The following TNFRSF8 variants were observed in gnomAD, a reference collection of about 807,000 sequenced individuals.
TNFRSF8 encodes the protein TNF receptor superfamily member 8, also known as tumor necrosis factor receptor superfamily member 8.
In TNFRSF8, 26 loss-of-function variants were observed where a neutral mutation model predicts 70.8. The observed-to-expected ratio is 0.37, with a 90% CI of 0.27 to 0.51. The LOEUF (loss-of-function observed/expected upper bound fraction) is 0.51, where lower values mean the gene tolerates loss of function less well. Ranked by LOEUF, TNFRSF8 falls within the 20% of genes least tolerant of loss-of-function variation. The probability of loss-of-function intolerance (pLI) is 0.94; values close to 1 mark genes in which losing one functional copy is unlikely to be tolerated. For missense variants in TNFRSF8, 720 were observed against 807.9 expected (o/e 0.89, Z 1.32); for synonymous variants, 356 against 339.2 (o/e 1.05, Z -0.54).
chr1:12,121,570 G>T (rs1174022549), intron 8 of TNFRSF8, among the ~76,000 whole-genome samples: 1 of 152,176 alleles, frequency 6.6e-6, no homozygotes, highest in African/African-American at 2.4e-5. Context: ...AGTGCTCTGG[G>T]CTGGAACTCG....
chr1:12,129,774 G>A (rs1254851631), intron 12 of TNFRSF8, among the ~76,000 whole-genome samples: 3 of 152,158 alleles, frequency 2.0e-5, no homozygotes, highest in Admixed American at 6.5e-5. Flanking sequence ...AGCGCTCGAC[G>A]GAGGTGATGT....
At chr1:12,134,731 C>T (rs150736028) in intron 12 of TNFRSF8, among the ~76,000 whole-genome samples, 350 of 152,330 alleles carry the variant, frequency 2.3e-3, no homozygotes, top group Non-Finnish European at 3.5e-3. Context: ...AGACTGGCTT[C>T]GGGCGTGTCC....
At chr1:12,092,723 T>C (rs1331270857) in intron 2 of TNFRSF8, among the ~76,000 whole-genome samples, 2 of 152,042 alleles carry the variant, frequency 1.3e-5, no homozygotes, top group Non-Finnish European at 2.9e-5. Flanking sequence ...TTAGCGAGGA[T>C]GGTCTCGATC....
rs1389314328 is a variant in TNFRSF8, at chr1:12,123,738, T to C, written c.1064T>C (p.Leu355Pro). The change falls in exon 10 of 15, where the codon CTG (leucine) becomes CCG (proline). Residue 355 changes from leucine (L) to proline (P), a missense_variant. By Grantham distance (98) the Leu-to-Pro change is moderately conservative. Coordinates refer to ENST00000263932, the MANE Select transcript of TNFRSF8 (RefSeq NM_001243.5). Reference protein sequence around the residue: ...PASTSPTQSLLVDSQASKTLP... With the variant: ...PASTSPTQSLPVDSQASKTLP... Reference sequence around the variant, plus strand: ...AGCACCAGCCCCACTCAGAGCTTGCTGGTGGACTCCCAGGCCAGTAAGACG... The same window carrying C: ...AGCACCAGCCCCACTCAGAGCTTGCCGGTGGACTCCCAGGCCAGTAAGACG... 6.4e-7 allele frequency: 1 copy of C among 1,569,988 alleles called. No homozygotes were observed. Among genetic ancestry groups the C allele is most frequent in the Admixed American group, 1.9e-5 (1 of 53,530 alleles).
rs1023122239 is a variant in TNFRSF8, at chr1:12,108,998, T to A, written c.422-568T>A. ...CCCCAATTTTTTAGCACATGTAGCT[T>A]AAAAGTCTGGGGATAGCTCTGAGAA... On this transcript the variant is annotated intron_variant, in intron 4 of 14. Coordinates refer to ENST00000263932, the MANE Select transcript of TNFRSF8 (RefSeq NM_001243.5). This position sits in a 1 kb window ranked among gnomAD's most constrained non-coding sequence, Gnocchi z 4.0. Among the ~76,000 whole-genome samples, 5 of 152,102 alleles carry A rather than the reference T, an allele frequency of 3.3e-5. No individual in the cohort carries two copies. The highest frequency in any genetic ancestry group is 3.3e-4 in the Admixed American group (5 of 15,264).
At chr1:12,105,547 T>A (rs60362440) in intron 4 of TNFRSF8, among the ~76,000 whole-genome samples, 20 of 123,890 alleles carry the variant, frequency 1.6e-4, no homozygotes, top group Admixed American at 1.4e-3. Flanking sequence ...TCTCTCTCTC[T>A]CTCACTCACT....
intron 12 of TNFRSF8, among the ~76,000 whole-genome samples, chr1:12,128,259 C>T (rs763867808): frequency 3.3e-5 from 5 of 152,274 alleles, no homozygotes; most frequent in African/African-American, 9.6e-5. Context: ...TCCGACTGCC[C>T]GCAGAGGCCA....
chr1:12,066,616 G>A (rs1640745784), intron 1 of TNFRSF8, among the ~76,000 whole-genome samples: 2 of 152,078 alleles, frequency 1.3e-5, no homozygotes, highest in South Asian at 4.1e-4. Flanking sequence ...GCATCCCAAA[G>A]TGCTGGGATT....
At chr1:12,139,865 G>T (rs552634107) in intron 14 of TNFRSF8, among the ~76,000 whole-genome samples, 1 of 152,298 alleles carries the variant, frequency 6.6e-6, no homozygotes, top group East Asian at 1.9e-4. Flanking sequence ...GGAACTCCTG[G>T]CCTCAAGGTG....
chr1:12,136,770 C>G (rs946794716), intron 13 of TNFRSF8, among the ~76,000 whole-genome samples: 3 of 151,560 alleles, frequency 2.0e-5, no homozygotes, highest in Non-Finnish European at 4.4e-5. Flanking sequence ...TGGTTTAACC[C>G]TTCTGATAGG....
At chr1:12,084,002 T>C (rs1641109439) in intron 1 of TNFRSF8, among the ~76,000 whole-genome samples, 1 of 152,190 alleles carries the variant, frequency 6.6e-6, no homozygotes, top group African/African-American at 2.4e-5. Context: ...GCTGATTGCC[T>C]GGTGCGTTCA....
chr1:12,075,264 T>C (rs2100952111), intron 1 of TNFRSF8, among the ~76,000 whole-genome samples: 1 of 151,192 alleles, frequency 6.6e-6, no homozygotes, highest in South Asian at 2.1e-4. Context: ...TTTTTTTTTT[T>C]TTAAAGAGAC....
intron 3 of TNFRSF8, among the ~76,000 whole-genome samples, chr1:12,103,272 G>C (rs769044849): frequency 1.5e-3 from 222 of 152,036 alleles, no homozygotes; most frequent in Middle Eastern, 6.8e-3. Flanking sequence ...GCTGAGGCAG[G>C]AGAATCACTT....
At chr1:12,091,288 G>A (rs921571993) in intron 2 of TNFRSF8, among the ~76,000 whole-genome samples, 41 of 152,240 alleles carry the variant, frequency 2.7e-4, no homozygotes, top group African/African-American at 9.2e-4. Flanking sequence ...GGAAGTGGCA[G>A]ACGGAAGGGA....
chr1:12,123,718 C>T lies in TNFRSF8; in HGVS notation c.1044C>T (p.Thr348=), dbSNP rs762721391. The T allele has an allele frequency of 6.4e-7, 1 of 1,561,970 alleles. No individual in the cohort carries two copies. The highest frequency in any genetic ancestry group is 8.7e-7 in the Non-Finnish European group (1 of 1,152,406). ...TPENGEAPAS[T]SPTQSLLVDS... is the part of the protein sequence containing the mutation. The stretch of plus-strand genomic sequence containing the variant: ...TGCCTTGGGCTTCTCCCCGCAGCAC[C>T]AGCCCCACTCAGAGCTTGCTGGTGG... Residue 348 remains threonine, a synonymous_variant, in exon 10 of 15, where the codon ACC becomes ACT. Coordinates refer to ENST00000263932, the MANE Select transcript of TNFRSF8 (RefSeq NM_001243.5).
intron 14 of TNFRSF8, among the ~76,000 whole-genome samples, chr1:12,139,517 C>A (rs900781497): frequency 2.6e-5 from 4 of 152,196 alleles, no homozygotes; most frequent in African/African-American, 9.7e-5. Flanking sequence ...CCTCCCCTAC[C>A]CGGTGTCCTA....
intron 9 of TNFRSF8, 64 bp downstream of exon 9, chr1:12,123,441 A>C: frequency 6.8e-7 from 1 of 1,467,114 alleles, no homozygotes; most frequent in Admixed American, 2.1e-5. Flanking sequence ...TGCCATGCCC[A>C]GGGGATGCCT....
intron 4 of TNFRSF8, among the ~76,000 whole-genome samples, chr1:12,107,600 C>T (rs1641547590): frequency 6.6e-6 from 1 of 151,960 alleles, no homozygotes; most frequent in African/African-American, 2.4e-5. Context: ...TTTCTTTTTA[C>T]CTTTTAAAGT....
intron 12 of TNFRSF8, 114 bp downstream of exon 12, chr1:12,126,350 G>C: frequency 8.1e-7 from 1 of 1,241,572 alleles, no homozygotes; most frequent in Non-Finnish European, 1.2e-6. Flanking sequence ...GAAGCTCCCT[G>C]TCTGTGGCTC....
Sources: gnomAD v4.1 joint callset for allele counts (sites outside exome capture counted in the v4.1 genomes callset) on GRCh38, gnomAD v4.1.1 for gene constraint, Gnocchi (gnomAD v3.1) non-coding constraint, MANE v1.5 for transcripts, NCBI Gene and HGNC (gene_info 2026-07-23, HGNC 2026-07-21) for gene names.